PRAG1: variants seen among roughly 807,000 people sequenced by gnomAD.
The protein encoded by PRAG1 is PEAK1 related, kinase-activating pseudokinase 1.
PRAG1 carries 110 observed loss-of-function variants against 95.6 expected under a neutral mutation model. The ratio of observed to expected loss-of-function variants is 1.15; its 90% CI spans 0.99 to 1.35. The LOEUF is 1.35. Ranked by LOEUF, PRAG1 falls within the 40% of genes most tolerant of loss-of-function variation. The pLI, the probability that PRAG1 is intolerant of heterozygous loss-of-function variation, is 0.00. For missense variants in PRAG1, 2,554 were observed against 1,864.7 expected (o/e 1.37, Z -6.81); for synonymous variants, 1,052 against 819.4 (o/e 1.28, Z -4.85).
intron 2 of PRAG1, among the ~76,000 whole-genome samples, chr8:8,380,013 G>A (rs143125762): frequency 6.6e-6 from 1 of 152,200 alleles, no homozygotes; most frequent in South Asian, 2.1e-4. Context: ...GGCTGAGGCA[G>A]ATGGACCACT....
chr8:8,331,937 T>C (rs1798833158), intron 4 of PRAG1, among the ~76,000 whole-genome samples: 1 of 152,136 alleles, frequency 6.6e-6, no homozygotes, highest in Admixed American at 6.5e-5. Context: ...TGATTAATTT[T>C]TCTTTGTTTC....
intron 3 of PRAG1, among the ~76,000 whole-genome samples, chr8:8,366,844 AT>A (rs1439751992): frequency 6.6e-6 from 1 of 151,474 alleles, no homozygotes; most frequent in African/African-American, 2.4e-5. Context: ...TGCCCTACTC[AT>A]TTTTGTAATT....
At chr8:8,337,162 A>G (rs1245399566) in intron 4 of PRAG1, among the ~76,000 whole-genome samples, 1 of 152,250 alleles carries the variant, frequency 6.6e-6, no homozygotes, top group Admixed American at 6.5e-5. Context: ...GTATAATATT[A>G]GAAAGGCAGA....
chr8:8,339,213 T>C (rs1374828246), intron 4 of PRAG1, among the ~76,000 whole-genome samples: 3 of 152,004 alleles, frequency 2.0e-5, no homozygotes, highest in African/African-American at 7.3e-5. Context: ...CCCAAGGAAA[T>C]AGGAGCCTTT....
rs1798689116 is a variant in PRAG1, at chr8:8,328,015, G to A, written c.2767C>T (p.Leu923=). The A allele has an allele frequency of 1.3e-6, 2 of 1,586,218 alleles. No homozygotes were observed. Among genetic ancestry groups the A allele is most frequent in the Non-Finnish European group, 1.7e-6 (2 of 1,165,228 alleles). The change falls in exon 5 of 6, where the codon CTG becomes TTG. Residue 923 remains leucine (L), a synonymous_variant. Coordinates refer to ENST00000615670, the MANE Select transcript of PRAG1 (RefSeq NM_001080826.3). Reference sequence around the variant, plus strand: ...GTGGAGGCTTGACTGGACACGCTCAGCTGGGAGGATGAGGCGGAGGGGGCC... The same window carrying A: ...GTGGAGGCTTGACTGGACACGCTCAACTGGGAGGATGAGGCGGAGGGGGCC... ...KGAPSASSSQ[L]SVSSQASTGS...
At position 8,317,997 on chromosome 8, in the gene PRAG1, T is replaced by C. The variant is rs1798330471; in HGVS notation, c.*157A>G. The C allele has an allele frequency of 2.0e-6, 1 of 503,346 alleles. No individual in the cohort carries two copies. Among genetic ancestry groups the C allele is most frequent in the Non-Finnish European group, 3.1e-6 (1 of 323,354 alleles). The allele number at this position is 503,346 out of a possible 1,614,324, so 31.2% of individuals were successfully genotyped here. ...GCATCCTTAGTCTTTCATATTTATA[T>C]ATGGTATATGTATTTTCTATATATA... On this transcript the variant is annotated 3_prime_UTR_variant, in exon 6 of 6. Coordinates refer to ENST00000615670, the MANE Select transcript of PRAG1 (RefSeq NM_001080826.3).
chr8:8,355,511 C>A (rs73184336), intron 3 of PRAG1, among the ~76,000 whole-genome samples: 13,723 of 152,110 alleles, frequency 0.09, 727 homozygotes, highest in Middle Eastern at 0.12. Context: ...CTTCATACGT[C>A]CCGATTTTAA....
intron 3 of PRAG1, among the ~76,000 whole-genome samples, chr8:8,367,333 C>T (rs531092288): frequency 1.3e-5 from 2 of 151,684 alleles, no homozygotes; most frequent in East Asian, 3.9e-4. Flanking sequence ...TGGCAGGCGC[C>T]TGTAATCCCA....
chr8:8,383,142 G>A (rs1053526552), intron 1 of PRAG1, among the ~76,000 whole-genome samples: 1 of 152,150 alleles, frequency 6.6e-6, no homozygotes, highest in Admixed American at 6.5e-5. Flanking sequence ...CTAACCAGGT[G>A]GAATGAGCCG....
At chr8:8,362,781 C>T (rs374848611) in intron 3 of PRAG1, among the ~76,000 whole-genome samples, 2 of 152,198 alleles carry the variant, frequency 1.3e-5, no homozygotes, top group African/African-American at 4.8e-5. Context: ...CATGTAAAGT[C>T]CCTATTGCTC....
At chr8:8,323,785 G>A (rs1052960789) in intron 5 of PRAG1, among the ~76,000 whole-genome samples, 3 of 152,128 alleles carry the variant, frequency 2.0e-5, no homozygotes, top group African/African-American at 7.2e-5. Context: ...CCAGTCTCAG[G>A]TATGTCTTTA....
intron 5 of PRAG1, among the ~76,000 whole-genome samples, chr8:8,322,401 C>T (rs958001253): frequency 1.3e-5 from 2 of 152,034 alleles, no homozygotes; most frequent in Admixed American, 1.3e-4. Context: ...AGGCTGGTCT[C>T]GAACTCCTGA....
intron 3 of PRAG1, among the ~76,000 whole-genome samples, chr8:8,375,935 C>T (rs1204811913): frequency 6.6e-6 from 1 of 152,078 alleles, no homozygotes; most frequent in Non-Finnish European, 1.5e-5. Context: ...CTTCAGAGAA[C>T]TGGGGAATAA....
Position 8,347,791 on chromosome 8 carries a change from T to G in PRAG1, c.2163-8156A>C, listed in dbSNP as rs553810068. 8.6e-5 allele frequency among the ~76,000 whole-genome samples: 13 copies of G among 151,896 alleles called. No homozygotes were observed. In the South Asian group the frequency reaches 2.7e-3, roughly 32 times the overall value. On this transcript the variant is annotated intron_variant, in intron 3 of 5. Coordinates refer to ENST00000615670, the MANE Select transcript of PRAG1 (RefSeq NM_001080826.3). ...CCTAGGAGAGAAATATTTATCAAGC[T>G]CCTCTAGTGAGAGATCAATTCACAT...
chr8:8,373,426 GTTCTC>G (rs1198379633), intron 3 of PRAG1, among the ~76,000 whole-genome samples: 1 of 143,260 alleles, frequency 7.0e-6, no homozygotes, highest in Non-Finnish European at 1.5e-5. Context: ...GTTTTTCTGT[GTTCTC>G]TTAAGCTAAT....
In PRAG1 at chr8:8,369,108, C is replaced by T. The variant is rs146959516; in HGVS notation, c.2162+7139G>A. 3.3e-3 allele frequency among the ~76,000 whole-genome samples: 494 copies of T among 151,766 alleles called. 11 individuals carry two copies. Among genetic ancestry groups the T allele is most frequent in the Admixed American group, 0.03 (461 of 15,256 alleles). On this transcript the variant is annotated intron_variant, in intron 3 of 5. Transcript: ENST00000615670. ...CTCAAGGTGGTAATGTTCTGTTGAG[C>T]GAGAATAGTTGCAGAATCATGATGG...
At chr8:8,352,119 C>T (rs1341054963) in intron 3 of PRAG1, among the ~76,000 whole-genome samples, 1 of 152,202 alleles carries the variant, frequency 6.6e-6, no homozygotes, top group Non-Finnish European at 1.5e-5. Context: ...GTATTTTATA[C>T]TAGACTTCAT....
intron 3 of PRAG1, among the ~76,000 whole-genome samples, chr8:8,353,105 C>G (rs562131088): frequency 6.6e-6 from 1 of 152,186 alleles, no homozygotes; most frequent in East Asian, 1.9e-4. Context: ...AAATAGATAG[C>G]AGTATAATTA....
chr8:8,362,211 C>T (rs1006596175), intron 3 of PRAG1, among the ~76,000 whole-genome samples: 1 of 152,232 alleles, frequency 6.6e-6, no homozygotes, highest in Non-Finnish European at 1.5e-5. Flanking sequence ...ACGTCAGGAT[C>T]TGCCCTAAGC....
Sources: allele counts gnomAD v4.1 joint callset (sites outside exome capture counted in the v4.1 genomes callset), GRCh38; gene constraint gnomAD v4.1.1; transcripts MANE v1.5; gene names NCBI Gene and HGNC (gene_info 2026-07-23, HGNC 2026-07-21).